Variants in KDM4B observed in about 807,000 individuals in gnomAD.
KDM4B encodes the protein lysine demethylase 4B.
Under a neutral mutation model 125.2 loss-of-function variants are expected in KDM4B, and 32 were observed. That is an observed-to-expected ratio of 0.26 (90% CI 0.19 to 0.34). The LOEUF is 0.34. Ranked by LOEUF, KDM4B falls within the 10% of genes least tolerant of loss-of-function variation. The probability of loss-of-function intolerance (pLI) is 1.00; values close to 1 mark genes in which losing one functional copy is unlikely to be tolerated. For missense variants in KDM4B, 1,190 were observed against 1,577.7 expected (o/e 0.75, Z 4.16); for synonymous variants, 721 against 677.9 (o/e 1.06, Z -0.99).
At chr19:5,048,606 G>A (rs1219506464) in intron 6 of KDM4B, among the ~76,000 whole-genome samples, 1 of 152,140 alleles carries the variant, frequency 6.6e-6, no homozygotes, top group South Asian at 2.1e-4. Context: ...GGGGAGAGGG[G>A]GGGGCGGGGG....
Position 5,131,393 on chromosome 19 carries a change from G to A in KDM4B, c.1633G>A (p.Val545Met), listed in dbSNP as rs753282446. 3.1e-5 allele frequency: 50 copies of A among 1,611,634 alleles called. No homozygotes were observed. Among genetic ancestry groups the A allele is most frequent in the Non-Finnish European group, 3.9e-5 (46 of 1,179,736 alleles). ...CAAGGCAGCCTTCAACCAGGAGCAC[G>A]TGTCCTGCCAGCAGGCCTTTGAGCA... is the stretch of plus-strand genomic sequence containing the variant. ...PGKAAFNQEH[V>M]SCQQAFEHFA... The change falls in exon 12 of 23, where the codon GTG becomes ATG. Residue 545 changes from valine (V) to methionine (M), a missense_variant. Transcript: ENST00000159111.
chr19:5,094,866 C>T lies in KDM4B; in HGVS notation c.918+12362C>T, dbSNP rs2038787261. On this transcript the variant is annotated intron_variant, in intron 9 of 22. Coordinates refer to ENST00000159111, the MANE Select transcript of KDM4B (RefSeq NM_015015.3). ...CGCGGGTCAAGCCCTTTGCTAATAG[C>T]CGGGTGGGCTGGTGGCCGTGTCCTG... Among the ~76,000 whole-genome samples, 4 of 152,228 alleles carry T rather than the reference C, an allele frequency of 2.6e-5. No homozygotes were observed. The South Asian group carries it at 6.2e-4, about 24-fold the overall frequency.
At chr19:5,127,887 G>A (rs774324128) in intron 11 of KDM4B, among the ~76,000 whole-genome samples, 8 of 151,770 alleles carry the variant, frequency 5.3e-5, no homozygotes, top group Non-Finnish European at 1.0e-4. Context: ...CCCGTTGGTC[G>A]GGGGAGGATG....
intron 1 of KDM4B, among the ~76,000 whole-genome samples, chr19:4,998,876 A>T (rs1042985286): frequency 1.3e-5 from 2 of 152,166 alleles, no homozygotes; most frequent in Non-Finnish European, 2.9e-5. Flanking sequence ...TTTGGCAGGA[A>T]AGTCCTGGAG....
chr19:5,143,370 CTA>C (rs1311222157), intron 18 of KDM4B, among the ~76,000 whole-genome samples: 5 of 152,110 alleles, frequency 3.3e-5, no homozygotes, highest in Admixed American at 2.6e-4. Flanking sequence ...GTGTGCCACT[CTA>C]TGTTTTTTAG....
chr19:5,056,196 G>A (rs2037390010), intron 6 of KDM4B, among the ~76,000 whole-genome samples: 1 of 152,146 alleles, frequency 6.6e-6, no homozygotes, highest in African/African-American at 2.4e-5. Context: ...GGGTTTTAGG[G>A]AGGAAGACCA....
At chr19:5,037,718 C>T (rs922065804) in intron 3 of KDM4B, among the ~76,000 whole-genome samples, 1 of 152,236 alleles carries the variant, frequency 6.6e-6, no homozygotes, top group African/African-American at 2.4e-5. Flanking sequence ...TGAGCAGCTT[C>T]CCTGGCCTCC....
chr19:5,094,242 T>C (rs1003528884), intron 9 of KDM4B, among the ~76,000 whole-genome samples: 4 of 152,232 alleles, frequency 2.6e-5, no homozygotes, highest in South Asian at 4.1e-4. Flanking sequence ...TGACAGCTGC[T>C]ACCACCCTGC....
At chr19:5,099,380 A>G (rs1400265346) in intron 9 of KDM4B, among the ~76,000 whole-genome samples, 1 of 152,202 alleles carries the variant, frequency 6.6e-6, no homozygotes, top group Non-Finnish European at 1.5e-5. Context: ...GGGCTTATAT[A>G]CCATAGGGAA....
rs530313871 is a variant in KDM4B, at chr19:5,144,833, G to A, written c.2952G>A (p.Glu984=). ...LGPPSEGELV[E]LRWTDGNLYK... is the part of the protein sequence containing the mutation. ...CCCCTTCCGAGGGGGAGCTGGTGGAGCTCCGGTGGACTGACGGCAACCTCT... is the reference window on the plus strand; with the variant it reads ...CCCCTTCCGAGGGGGAGCTGGTGGAACTCCGGTGGACTGACGGCAACCTCT... Residue 984 remains glutamate, a synonymous_variant, in exon 21 of 23, where the codon GAG becomes GAA. Transcript: ENST00000159111. The A allele has an allele frequency of 6.2e-7, 1 of 1,613,306 alleles. No homozygotes were observed. The highest frequency in any genetic ancestry group is 1.1e-5 in the South Asian group (1 of 91,066).
At chr19:5,150,534 A>C in intron 22 of KDM4B, 84 bp downstream of exon 22, 1 of 985,344 alleles carries the variant, frequency 1.0e-6, no homozygotes, top group Non-Finnish European at 1.5e-6. Flanking sequence ...TGCGTCTTCC[A>C]ATGGCGTGGA....
At chr19:4,998,689 C>T (rs999059081) in intron 1 of KDM4B, among the ~76,000 whole-genome samples, 4 of 152,190 alleles carry the variant, frequency 2.6e-5, no homozygotes, top group African/African-American at 9.6e-5. Flanking sequence ...AATCCAGGAT[C>T]AACACAGCAC....
At chr19:5,146,954 A>C (rs1200475628) in intron 21 of KDM4B, among the ~76,000 whole-genome samples, 1 of 150,384 alleles carries the variant, frequency 6.6e-6, no homozygotes, top group Non-Finnish European at 1.5e-5. Flanking sequence ...AAAAAAAAAA[A>C]AAAAAAAACA....
chr19:5,101,695 T>A (rs1055610341), intron 9 of KDM4B, among the ~76,000 whole-genome samples: 3 of 138,574 alleles, frequency 2.2e-5, no homozygotes, highest in Non-Finnish European at 4.7e-5. Context: ...GGGCCTCACT[T>A]GTTGCTTTTC....
At chr19:5,147,199 T>C (rs1469446798) in intron 21 of KDM4B, among the ~76,000 whole-genome samples, 1 of 152,092 alleles carries the variant, frequency 6.6e-6, no homozygotes, top group Non-Finnish European at 1.5e-5. Flanking sequence ...AAGAAACCTA[T>C]GGAGATGATA....
intron 9 of KDM4B, among the ~76,000 whole-genome samples, chr19:5,083,053 G>C (rs1450992141): frequency 1.3e-5 from 2 of 152,186 alleles, no homozygotes; most frequent in Non-Finnish European, 2.9e-5. Flanking sequence ...GTCCCTGGAG[G>C]TCACGGTGAG....
At chr19:5,107,041 TC>T (rs2039048246) in intron 9 of KDM4B, among the ~76,000 whole-genome samples, 1 of 152,196 alleles carries the variant, frequency 6.6e-6, no homozygotes, top group African/African-American at 2.4e-5. Flanking sequence ...TGCTCCGCGT[TC>T]CTCACCTGAG....
At chr19:5,116,576 T>C (rs1246371255) in intron 10 of KDM4B, among the ~76,000 whole-genome samples, 1 of 151,966 alleles carries the variant, frequency 6.6e-6, no homozygotes, top group East Asian at 1.9e-4. Context: ...CTCAAGATCA[T>C]GGGAGAAGGA....
intron 5 of KDM4B, among the ~76,000 whole-genome samples, chr19:5,044,734 C>A (rs1599490653): frequency 6.6e-6 from 1 of 151,982 alleles, no homozygotes; most frequent in Non-Finnish European, 1.5e-5. Flanking sequence ...CCCCTGAGCT[C>A]CCCCTCGTCA....
Sources: allele counts gnomAD v4.1 joint callset (sites outside exome capture counted in the v4.1 genomes callset), GRCh38; gene constraint gnomAD v4.1.1; transcripts MANE v1.5; gene names NCBI Gene and HGNC (gene_info 2026-07-23, HGNC 2026-07-21).